Variants in SLX4IP observed in about 807,000 individuals in gnomAD.
SLX4IP encodes protein SLX4IP.
A neutral mutation model predicts 32.9 loss-of-function variants in SLX4IP; 34 were observed. The observed-to-expected ratio is 1.03, with a 90% CI of 0.79 to 1.38. The LOEUF (loss-of-function observed/expected upper bound fraction) is 1.38, where lower values mean the gene tolerates loss of function less well. Ranked by LOEUF, SLX4IP falls within the 40% of genes most tolerant of loss-of-function variation. The pLI, the probability that SLX4IP is intolerant of heterozygous loss-of-function variation, is 0.00. For missense variants in SLX4IP, 444 were observed against 479.0 expected (o/e 0.93, Z 0.68); for synonymous variants, 172 against 171.7 (o/e 1.00, Z -0.01).
intron 7 of SLX4IP, among the ~76,000 whole-genome samples, chr20:10,621,631 G>A (rs187956920): frequency 2.0e-5 from 3 of 152,066 alleles, no homozygotes; most frequent in African/African-American, 7.2e-5. Flanking sequence ...TTAATGACAC[G>A]TTCTTTGAAG....
intron 2 of SLX4IP, among the ~76,000 whole-genome samples, chr20:10,491,286 A>T (rs1368008262): frequency 6.6e-6 from 1 of 152,230 alleles, no homozygotes; most frequent in Non-Finnish European, 1.5e-5. Context: ...GAAATGAAGA[A>T]ATTAATGCCT....
intron 2 of SLX4IP, among the ~76,000 whole-genome samples, chr20:10,502,102 A>C (rs1171599423): frequency 6.6e-6 from 1 of 152,356 alleles, no homozygotes; most frequent in East Asian, 1.9e-4. Flanking sequence ...AAGGGGGTTA[A>C]GTAACTGCAC....
At chr20:10,613,627 T>G in intron 6 of SLX4IP, 3 of 1,614,006 alleles carry the variant, frequency 1.9e-6, no homozygotes, top group Admixed American at 1.7e-5. Flanking sequence ...TCTGCTTCTT[T>G]GGCCTCTTCC....
At chr20:10,518,318 A>T (rs1453434095) in intron 2 of SLX4IP, among the ~76,000 whole-genome samples, 1 of 151,972 alleles carries the variant, frequency 6.6e-6, no homozygotes, top group African/African-American at 2.4e-5. Context: ...ACCATTCTCC[A>T]CCCAGCACTA....
At position 10,626,564 on chromosome 20, in the gene SLX4IP, G is replaced by A. The variant is rs2067176027; in HGVS notation, c.*3185G>A. 6.6e-6 allele frequency: 1 copy of A among 152,130 alleles called. No individual in the cohort carries two copies. The highest frequency in any genetic ancestry group is 2.4e-5 in the African/African-American group (1 of 41,434). The allele number at this position is 152,130 out of a possible 1,614,324, so 9.4% of individuals were successfully genotyped here. On this transcript the variant is annotated 3_prime_UTR_variant, in exon 8 of 8. Coordinates refer to ENST00000334534, the MANE Select transcript of SLX4IP (RefSeq NM_001009608.3). ...CATAGATTCTAAGCCACTTCCATGT[G>A]CTTTCAGATGGCATCTTAATAGATT...
rs35240560 is a variant in SLX4IP at position 10,445,627 on chromosome 20, CTTT to C, written c.-30+10187_-30+10189del. 7.0e-4 allele frequency among the ~76,000 whole-genome samples: 92 copies of C among 131,268 alleles called. 1 individual carries two copies. Among genetic ancestry groups the C allele is most frequent in the African/African-American group, 2.5e-3 (88 of 35,268 alleles). The allele number at this position is 131,268 out of a possible 152,430, so 86.1% of individuals were successfully genotyped here. A position where few individuals can be genotyped will look rare whatever the true frequency, so the allele number is the denominator to read the frequency against. On this transcript the variant is annotated intron_variant, in intron 1 of 7. Transcript: ENST00000334534. ...ACCATGCCCAGCCGATGAGATTGCC[CTTT>C]TTTTTTTTTTTTGAGATGGAGTCTC...
At chr20:10,492,540 G>A (rs1031161774) in intron 2 of SLX4IP, among the ~76,000 whole-genome samples, 1 of 152,086 alleles carries the variant, frequency 6.6e-6, no homozygotes, top group Non-Finnish European at 1.5e-5. Context: ...TGACATAACT[G>A]CTATCTATAT....
At chr20:10,526,536 C>G (rs933153413) in intron 2 of SLX4IP, among the ~76,000 whole-genome samples, 7 of 152,204 alleles carry the variant, frequency 4.6e-5, no homozygotes, top group African/African-American at 1.7e-4. Context: ...TGTTTTTGAA[C>G]TGCTGTGTTT....
chr20:10,452,316 A>G (rs570593782), intron 1 of SLX4IP, among the ~76,000 whole-genome samples: 2 of 152,122 alleles, frequency 1.3e-5, no homozygotes, highest in East Asian at 1.9e-4. Flanking sequence ...GGATTGCTTG[A>G]GCTCAGGAGA....
chr20:10,604,032 C>T (rs1045633610), intron 6 of SLX4IP, among the ~76,000 whole-genome samples: 4 of 152,210 alleles, frequency 2.6e-5, no homozygotes, highest in Non-Finnish European at 5.9e-5. Flanking sequence ...ATCACTTGTT[C>T]CATACTTCAA....
chr20:10,550,503 C>A (rs1488993868), intron 2 of SLX4IP, among the ~76,000 whole-genome samples: 1 of 152,124 alleles, frequency 6.6e-6, no homozygotes, highest in Non-Finnish European at 1.5e-5. Flanking sequence ...CCCTTCACCT[C>A]GAGATCACCT....
intron 4 of SLX4IP, among the ~76,000 whole-genome samples, chr20:10,590,907 A>C (rs2066701904): frequency 6.6e-6 from 1 of 152,242 alleles, no homozygotes; most frequent in African/African-American, 2.4e-5. Flanking sequence ...TGACAATATA[A>C]AGCTACGTTG....
At chr20:10,518,045 A>G (rs2065864479) in intron 2 of SLX4IP, among the ~76,000 whole-genome samples, 1 of 152,182 alleles carries the variant, frequency 6.6e-6, no homozygotes, top group African/African-American at 2.4e-5. Flanking sequence ...AGCCTCAGGT[A>G]GAATAGCTAA....
chr20:10,594,388 T>G (rs1468961647), intron 4 of SLX4IP, among the ~76,000 whole-genome samples: 1 of 152,128 alleles, frequency 6.6e-6, no homozygotes, highest in Non-Finnish European at 1.5e-5. Flanking sequence ...GAGGTCCTGA[T>G]GGCTCACCAA....
intron 2 of SLX4IP, among the ~76,000 whole-genome samples, chr20:10,474,708 C>T (rs931538262): frequency 1.8e-4 from 27 of 152,226 alleles, no homozygotes; most frequent in Admixed American, 1.4e-3. Flanking sequence ...TTTTTCCCTC[C>T]CTTACCACTA....
intron 4 of SLX4IP, among the ~76,000 whole-genome samples, chr20:10,584,381 A>G (rs2066621140): frequency 6.6e-6 from 1 of 152,220 alleles, no homozygotes; most frequent in African/African-American, 2.4e-5. Context: ...TTTGTGTTTA[A>G]AGAACTAGGA....
chr20:10,457,511 G>T (rs2065295302), intron 1 of SLX4IP, among the ~76,000 whole-genome samples: 1 of 145,930 alleles, frequency 6.9e-6, no homozygotes. Flanking sequence ...GTATTATATT[G>T]ATTAATTTTC....
chr20:10,596,754 G>A (rs2066775252), intron 4 of SLX4IP, among the ~76,000 whole-genome samples: 1 of 152,022 alleles, frequency 6.6e-6, no homozygotes, highest in Non-Finnish European at 1.5e-5. Context: ...CAATTGTTAA[G>A]GATTCCACTT....
intron 4 of SLX4IP, among the ~76,000 whole-genome samples, chr20:10,598,177 G>A (rs527267322): frequency 1.3e-5 from 2 of 152,154 alleles, no homozygotes; most frequent in Non-Finnish European, 2.9e-5. Context: ...CTATGCCAGC[G>A]TCATAGTCAG....
Sources: gnomAD v4.1 joint callset for allele counts (sites outside exome capture counted in the v4.1 genomes callset) on GRCh38, gnomAD v4.1.1 for gene constraint, MANE v1.5 for transcripts, NCBI Gene and HGNC (gene_info 2026-07-23, HGNC 2026-07-21) for gene names.